Variants in AVP observed in about 807,000 individuals in gnomAD.
AVP encodes vasopressin-neurophysin 2-copeptin.
Under a neutral mutation model 11.1 loss-of-function variants are expected in AVP, and 9 were observed. The observed-to-expected ratio is 0.81, with a 90% confidence interval of 0.49 to 1.42. The LOEUF is 1.42. Ranked by LOEUF, AVP falls within the 40% of genes most tolerant of loss-of-function variation. The pLI is 0.00. For synonymous variants in AVP, 106 were observed against 111.3 expected, an observed-to-expected ratio of 0.95 and a Z score of 0.30; for missense variants, 206 against 238.5, an observed-to-expected ratio of 0.86 and a Z score of 0.90.
At position 3,082,732 on chromosome 20, in the gene AVP, G is replaced by T; in HGVS notation, c.393C>A (p.Asn131Lys). The T allele has an allele frequency of 7.8e-7, 1 of 1,284,872 alleles. No homozygotes were observed. The highest frequency in any genetic ancestry group is 9.8e-7 in the Non-Finnish European group (1 of 1,018,842). 79.6% of individuals were successfully genotyped at this position (1,284,872 alleles called of 1,614,324 possible). A position where few individuals can be genotyped will look rare whatever the true frequency, so the allele number is the denominator to read the frequency against. The part of the protein sequence containing the change: ...HRRARASDRS[N>K]ATQLDGPAGA... The stretch of plus-strand genomic sequence containing the variant: ...CGGCCGGCCCGTCCAGCTGCGTGGC[G>T]TTGCTCCGGTCGCTGGCGCGGGCGC... Residue 131 changes from asparagine (N) to lysine (K), a missense_variant, in exon 3 of 3, where the codon AAC becomes AAA. Physicochemically the swap from Asn to Lys is moderately conservative, Grantham distance 94 (BLOSUM62 0). This residue lies in a region of AVP where 106 missense variants were observed against 89.2 expected (regional missense o/e 1.19). Coordinates refer to ENST00000380293, the MANE Select transcript of AVP (RefSeq NM_000490.5). This position sits in a 1 kb window ranked among gnomAD's most constrained non-coding sequence, Gnocchi z 4.7.
At position 3,082,760 on chromosome 20, in the gene AVP, C is replaced by T. The variant is rs549545938; in HGVS notation, c.365G>A (p.Arg122His). 1.5e-4 allele frequency: 186 copies of T among 1,270,076 alleles called. 3 individuals are homozygous for T. The South Asian group carries it at 4.1e-3, about 28-fold the overall frequency. 78.7% of individuals were successfully genotyped at this position (1,270,076 alleles called of 1,614,324 possible). A position where few individuals can be genotyped will look rare whatever the true frequency, so the allele number is the denominator to read the frequency against. The change falls in exon 3 of 3, where the codon CGC (arginine) becomes CAC (histidine). Residue 122 changes from arginine (R) to histidine (H), a missense_variant. By Grantham distance (29) the Arg-to-His change is conservative. Transcript: ENST00000380293. This position sits in a 1 kb window ranked among gnomAD's most constrained non-coding sequence, Gnocchi z 4.7. ...GCTCCGGTCGCTGGCGCGGGCGCGG[C>T]GGTGAAAGCCCTCGCGGCACTCGGG... ...TEPECREGFHRRARASDRSNA... is the reference protein window; with the variant it reads ...TEPECREGFHHRARASDRSNA...
Position 3,082,906 on chromosome 20 carries a change from CGCAGGCCCGCGT to C in AVP, c.322+59_322+70del. 50 of 731,030 alleles carry C rather than the reference CGCAGGCCCGCGT, an allele frequency of 6.8e-5. No homozygotes were observed. The highest frequency in any genetic ancestry group is 9.5e-5 in the South Asian group (2 of 21,022). 45.3% of individuals were successfully genotyped at this position (731,030 alleles called of 1,614,324 possible). ...GGGCCCGACGCAGCCCCCACCCCGC[CGCAGGCCCGCGT>C]CCCCCCCACCCAAGCGGTCTGCGCC... On this transcript the variant is annotated intron_variant, in intron 2 of 2. Transcript: ENST00000380293. The surrounding 1 kb of genome is among the most constrained non-coding windows in gnomAD (Gnocchi z 4.7).
chr20:3,082,589 G>T lies in AVP; in HGVS notation c.*41C>A, dbSNP rs986119822. 5.1e-5 allele frequency: 63 copies of T among 1,241,874 alleles called. 3 individuals carry two copies. The Admixed American group carries it at 7.7e-4, about 15-fold the overall frequency. The allele number at this position is 1,241,874 out of a possible 1,614,324, so 76.9% of individuals were successfully genotyped here. ...CGGAGGTTTATTGTCCGTGCTGCAG[G>T]GGCGGGCGCGAAGAGCGCGCCGGTG... is the stretch of plus-strand genomic sequence containing the variant. On this transcript the variant is annotated 3_prime_UTR_variant, in exon 3 of 3. Coordinates refer to ENST00000380293, the MANE Select transcript of AVP (RefSeq NM_000490.5). The surrounding 1 kb of genome is among the most constrained non-coding windows in gnomAD (Gnocchi z 4.7).
Position 3,082,795 on chromosome 20 carries a change from G to A in AVP, c.330C>T (p.Cys110=). The A allele has an allele frequency of 8.0e-7, 1 of 1,245,664 alleles. No individual in the cohort carries two copies. The highest frequency in any genetic ancestry group is 1.0e-6 in the Non-Finnish European group (1 of 997,506). 77.2% of individuals were successfully genotyped at this position (1,245,664 alleles called of 1,614,324 possible). The change falls in exon 3 of 3, where the codon TGC becomes TGT. Residue 110 remains cysteine, a synonymous_variant. Coordinates refer to ENST00000380293, the MANE Select transcript of AVP (RefSeq NM_000490.5). The surrounding 1 kb of genome is among the most constrained non-coding windows in gnomAD (Gnocchi z 4.7). ...CCTCGCGGCACTCGGGCTCGGTCAC[G>A]CAGCTCTCTGCCGGGAGGACGTGTG... ...AFGVCCNDES[C]VTEPECREGF...
At position 3,082,580 on chromosome 20, in the gene AVP, G is replaced by C. The variant is rs1479446757; in HGVS notation, c.*50C>G. ...GTGCATTGGCGGAGGTTTATTGTCC[G>C]TGCTGCAGGGGCGGGCGCGAAGAGC... On this transcript the variant is annotated 3_prime_UTR_variant, in exon 3 of 3. Coordinates refer to ENST00000380293, the MANE Select transcript of AVP (RefSeq NM_000490.5). This position sits in a 1 kb window ranked among gnomAD's most constrained non-coding sequence, Gnocchi z 4.7. 1 of 1,230,670 alleles carries C rather than the reference G, an allele frequency of 8.1e-7. No individual in the cohort carries two copies. Among genetic ancestry groups the C allele is most frequent in the African/African-American group, 1.6e-5 (1 of 63,916 alleles). 76.2% of individuals were successfully genotyped at this position (1,230,670 alleles called of 1,614,324 possible).
rs1311838880 is a variant in AVP at position 3,082,651 on chromosome 20, G to T, written c.474C>A (p.Pro158=). Residue 158 remains proline, a synonymous_variant, in exon 3 of 3, where the codon CCC becomes CCA. Coordinates refer to ENST00000380293, the MANE Select transcript of AVP (RefSeq NM_000490.5). The surrounding 1 kb of genome is among the most constrained non-coding windows in gnomAD (Gnocchi z 4.7). The part of the protein sequence containing the change: ...QLAGAPEPFE[P]AQPDAY ...GGGCTCAGTAGGCGTCGGGCTGGGC[G>T]GGCTCGAAGGGCTCGGGCGCCCCGG... 7.8e-7 allele frequency: 1 copy of T among 1,277,278 alleles called. No homozygotes were observed. The highest frequency in any genetic ancestry group is 9.8e-7 in the Non-Finnish European group (1 of 1,015,814). The allele number at this position is 1,277,278 out of a possible 1,614,324, so 79.1% of individuals were successfully genotyped here. A position where few individuals can be genotyped will look rare whatever the true frequency, so the allele number is the denominator to read the frequency against.
chr20:3,082,900 C>A lies in AVP; in HGVS notation c.322+77G>T. ...CCTGCCGGGCCCGACGCAGCCCCCA[C>A]CCCGCCGCAGGCCCGCGTCCCCCCC... On this transcript the variant is annotated intron_variant, in intron 2 of 2. Transcript: ENST00000380293. The surrounding 1 kb of genome is among the most constrained non-coding windows in gnomAD (Gnocchi z 4.7). 1 of 1,153,098 alleles carries A rather than the reference C, an allele frequency of 8.7e-7. No homozygotes were observed. Among genetic ancestry groups the A allele is most frequent in the Non-Finnish European group, 1.1e-6 (1 of 924,116 alleles). The allele number at this position is 1,153,098 out of a possible 1,614,324, so 71.4% of individuals were successfully genotyped here.
At position 3,082,707 on chromosome 20, in the gene AVP, C is replaced by A; in HGVS notation, c.418G>T (p.Gly140Trp). The change falls in exon 3 of 3, where the codon GGG becomes TGG. Residue 140 changes from glycine (G) to tryptophan (W), a missense_variant. By Grantham distance (184) the Gly-to-Trp change is radical. Around this residue, in one of 2 missense-constraint regions of AVP, gnomAD observed 106 missense variants for 89.2 expected, o/e 1.19. Transcript: ENST00000380293. The surrounding 1 kb of genome is among the most constrained non-coding windows in gnomAD (Gnocchi z 4.7). ...SNATQLDGPA[G>W]ALLLRLVQLA... ...TGCACCAGCCGCAGCAGCAAGGCCCCGGCCGGCCCGTCCAGCTGCGTGGCG... is the reference window on the plus strand; with the variant it reads ...TGCACCAGCCGCAGCAGCAAGGCCCAGGCCGGCCCGTCCAGCTGCGTGGCG... 1 of 1,290,690 alleles carries A rather than the reference C, an allele frequency of 7.7e-7. No individual in the cohort carries two copies. The highest frequency in any genetic ancestry group is 9.8e-7 in the Non-Finnish European group (1 of 1,022,340). The allele number at this position is 1,290,690 out of a possible 1,614,324, so 80.0% of individuals were successfully genotyped here. A position where few individuals can be genotyped will look rare whatever the true frequency, so the allele number is the denominator to read the frequency against.
At position 3,082,948 on chromosome 20, in the gene AVP, C is replaced by G. The variant is rs2066118482; in HGVS notation, c.322+29G>C. On this transcript the variant is annotated intron_variant, in intron 2 of 2. Transcript: ENST00000380293. This position sits in a 1 kb window ranked among gnomAD's most constrained non-coding sequence, Gnocchi z 4.7. ...CCCACCCAAGCGGTCTGCGCCCCCC[C>G]CAGCCCCAGGCCCGCCCCCGCCGCG... 7.4e-7 allele frequency: 1 copy of G among 1,349,220 alleles called. No homozygotes were observed. Among genetic ancestry groups the G allele is most frequent in the Non-Finnish European group, 9.5e-7 (1 of 1,052,618 alleles). 83.6% of individuals were successfully genotyped at this position (1,349,220 alleles called of 1,614,324 possible).
chr20:3,082,727 G>C lies in AVP; in HGVS notation c.398C>G (p.Thr133Arg). 7.7e-7 allele frequency: 1 copy of C among 1,293,122 alleles called. No individual in the cohort carries two copies. 80.1% of individuals were successfully genotyped at this position (1,293,122 alleles called of 1,614,324 possible). A position where few individuals can be genotyped will look rare whatever the true frequency, so the allele number is the denominator to read the frequency against. The change falls in exon 3 of 3, where the codon ACG becomes AGG. Residue 133 changes from threonine (T) to arginine (R), a missense_variant. Thr to Arg is a moderately conservative substitution (Grantham distance 71, BLOSUM62 -1). Coordinates refer to ENST00000380293, the MANE Select transcript of AVP (RefSeq NM_000490.5). This position sits in a 1 kb window ranked among gnomAD's most constrained non-coding sequence, Gnocchi z 4.7. ...RARASDRSNATQLDGPAGALL... is the reference protein window; with the variant it reads ...RARASDRSNARQLDGPAGALL... The stretch of plus-strand genomic sequence containing the variant: ...GGCCCCGGCCGGCCCGTCCAGCTGC[G>C]TGGCGTTGCTCCGGTCGCTGGCGCG...
Position 3,082,783 on chromosome 20 carries a change from G to C in AVP, c.342C>G (p.Pro114=). The C allele has an allele frequency of 2.4e-6, 3 of 1,256,004 alleles. No individual in the cohort carries two copies. The highest frequency in any genetic ancestry group is 3.1e-4 in the Middle Eastern group (1 of 3,220). The allele number at this position is 1,256,004 out of a possible 1,614,324, so 77.8% of individuals were successfully genotyped here. The change falls in exon 3 of 3, where the codon CCC becomes CCG. Residue 114 remains proline, a synonymous_variant. Transcript: ENST00000380293. The surrounding 1 kb of genome is among the most constrained non-coding windows in gnomAD (Gnocchi z 4.7). ...GGCGGTGAAAGCCCTCGCGGCACTCGGGCTCGGTCACGCAGCTCTCTGCCG... is the reference window on the plus strand; with the variant it reads ...GGCGGTGAAAGCCCTCGCGGCACTCCGGCTCGGTCACGCAGCTCTCTGCCG... ...CCNDESCVTE[P]ECREGFHRRA...
chr20:3,083,984 T>C lies in AVP; in HGVS notation c.120+571A>G, dbSNP rs905473314. On this transcript the variant is annotated intron_variant, in intron 1 of 2. Transcript: ENST00000380293. This position sits in a 1 kb window ranked among gnomAD's most constrained non-coding sequence, Gnocchi z 5.4. ...GGACAGAATTGCATGCACATCGTGA[T>C]TGGATTTCCTTCAGCTCTGCTGGAA... is the stretch of plus-strand genomic sequence containing the variant. 5.9e-5 allele frequency among the ~76,000 whole-genome samples: 9 copies of C among 152,224 alleles called. No individual in the cohort carries two copies. The highest frequency in any genetic ancestry group is 1.0e-4 in the Non-Finnish European group (7 of 68,028).
rs2066118231 is a variant in AVP at position 3,082,942 on chromosome 20, C to T, written c.322+35G>A. On this transcript the variant is annotated intron_variant, in intron 2 of 2. Coordinates refer to ENST00000380293, the MANE Select transcript of AVP (RefSeq NM_000490.5). This position sits in a 1 kb window ranked among gnomAD's most constrained non-coding sequence, Gnocchi z 4.7. The stretch of plus-strand genomic sequence containing the variant: ...GTCCCCCCCACCCAAGCGGTCTGCG[C>T]CCCCCCCAGCCCCAGGCCCGCCCCC... 1.1e-6 allele frequency: 1 copy of T among 870,864 alleles called. No individual in the cohort carries two copies. 53.9% of individuals were successfully genotyped at this position (870,864 alleles called of 1,614,324 possible). A position where few individuals can be genotyped will look rare whatever the true frequency, so the allele number is the denominator to read the frequency against.
In AVP at chr20:3,082,841, G is replaced by C; in HGVS notation, c.323-39C>G. On this transcript the variant is annotated intron_variant, in intron 2 of 2. Transcript: ENST00000380293. This position sits in a 1 kb window ranked among gnomAD's most constrained non-coding sequence, Gnocchi z 4.7. ...GTGTGAGCACGGGCGCCCTGGGGCG[G>C]GCGCAGCTCGGGGTGCGGGGGGCCC... The C allele has an allele frequency of 8.2e-7, 1 of 1,220,752 alleles. No individual in the cohort carries two copies. Among genetic ancestry groups the C allele is most frequent in the Non-Finnish European group, 1.0e-6 (1 of 981,640 alleles). The allele number at this position is 1,220,752 out of a possible 1,614,324, so 75.6% of individuals were successfully genotyped here. A position where few individuals can be genotyped will look rare whatever the true frequency, so the allele number is the denominator to read the frequency against.
chr20:3,082,992 C>T lies in AVP; in HGVS notation c.307G>A (p.Val103Ile). ...CGCCGCGCACCGTCGTTGCAGCAAA[C>T]GCCGAAGGCGGCGCAGCGGCCCCCG... ...GSGGRCAAFG[V>I]CCNDESCVTE... is the part of the protein sequence containing the mutation. Residue 103 changes from valine (V) to isoleucine (I), a missense_variant, in exon 2 of 3, where the codon GTT becomes ATT. Physicochemically the swap from Val to Ile is conservative, Grantham distance 29. This residue lies in a region of AVP where 100 missense variants were observed against 149.3 expected (regional missense o/e 0.67). Transcript: ENST00000380293. The surrounding 1 kb of genome is among the most constrained non-coding windows in gnomAD (Gnocchi z 4.7). 3 of 1,357,284 alleles carry T rather than the reference C, an allele frequency of 2.2e-6. No homozygotes were observed. The highest frequency in any genetic ancestry group is 2.9e-6 in the Non-Finnish European group (3 of 1,036,776). The allele number at this position is 1,357,284 out of a possible 1,614,324, so 84.1% of individuals were successfully genotyped here.
Position 3,084,437 on chromosome 20 carries a change from C to T in AVP, c.120+118G>A, listed in dbSNP as rs1173520828. 2.6e-6 allele frequency: 4 copies of T among 1,558,074 alleles called. No homozygotes were observed. In the African/African-American group the frequency reaches 5.4e-5, roughly 21 times the overall value. On this transcript the variant is annotated intron_variant, in intron 1 of 2. Transcript: ENST00000380293. ...GCCATGCCATGCCTCCCTCTTCCTC[C>T]CCCGAACTTCCCCTAAAGGCTACCA...
chr20:3,082,707 C>G lies in AVP; in HGVS notation c.418G>C (p.Gly140Arg). The change falls in exon 3 of 3, where the codon GGG (glycine) becomes CGG (arginine). Residue 140 changes from glycine to arginine, a missense_variant. Gly to Arg is a moderately radical substitution (Grantham distance 125, BLOSUM62 -2). Transcript: ENST00000380293. This position sits in a 1 kb window ranked among gnomAD's most constrained non-coding sequence, Gnocchi z 4.7. ...SNATQLDGPAGALLLRLVQLA... is the reference protein window; with the variant it reads ...SNATQLDGPARALLLRLVQLA... ...TGCACCAGCCGCAGCAGCAAGGCCC[C>G]GGCCGGCCCGTCCAGCTGCGTGGCG... 1 of 1,290,690 alleles carries G rather than the reference C, an allele frequency of 7.7e-7. No individual in the cohort carries two copies. Among genetic ancestry groups the G allele is most frequent in the Non-Finnish European group, 9.8e-7 (1 of 1,022,340 alleles). The allele number at this position is 1,290,690 out of a possible 1,614,324, so 80.0% of individuals were successfully genotyped here.
Position 3,082,670 on chromosome 20 carries a change from G to T in AVP, c.455C>A (p.Ala152Glu). 2 of 1,283,906 alleles carry T rather than the reference G, an allele frequency of 1.6e-6. No individual in the cohort carries two copies. Among genetic ancestry groups the T allele is most frequent in the East Asian group, 3.2e-5 (1 of 31,536 alleles). 79.5% of individuals were successfully genotyped at this position (1,283,906 alleles called of 1,614,324 possible). Residue 152 changes from alanine (A) to glutamate (E), a missense_variant, in exon 3 of 3, where the codon GCG becomes GAG. Coordinates refer to ENST00000380293, the MANE Select transcript of AVP (RefSeq NM_000490.5). The surrounding 1 kb of genome is among the most constrained non-coding windows in gnomAD (Gnocchi z 4.7). ...CTGGGCGGGCTCGAAGGGCTCGGGC[G>T]CCCCGGCCAGCTGCACCAGCCGCAG... The part of the protein sequence containing the change: ...LLLRLVQLAG[A>E]PEPFEPAQPD...
chr20:3,084,464 C>A (rs1297331086), intron 1 of AVP, 91 bp downstream of exon 1: 1 of 1,599,060 alleles, frequency 6.3e-7, no homozygotes, highest in East Asian at 2.2e-5. Flanking sequence ...AGGCTACCAC[C>A]ACCCATGACT....
Sources: allele counts gnomAD v4.1 joint callset (sites outside exome capture counted in the v4.1 genomes callset), GRCh38; gene constraint gnomAD v4.1.1; regional missense constraint gnomAD v4.1.1; non-coding constraint Gnocchi (gnomAD v3.1); transcripts MANE v1.5; gene names NCBI Gene and HGNC (gene_info 2026-07-23, HGNC 2026-07-21).